Variants in EPHA6 observed in about 807,000 individuals in gnomAD.
EPHA6 encodes ephrin type-A receptor 6.
A neutral mutation model predicts 112.0 loss-of-function variants in EPHA6; 50 were observed. The observed-to-expected ratio is 0.45, with a 90% CI of 0.36 to 0.56. EPHA6 has a LOEUF of 0.56. EPHA6 is among the 20% of genes least tolerant of loss of function. EPHA6 has a pLI of 0.00. For missense variants in EPHA6, 1,280 were observed against 1,417.4 expected (o/e 0.90, Z 1.56); for synonymous variants, 529 against 490.7 (o/e 1.08, Z -1.03).
In EPHA6 at chr3:97,387,687, A is replaced by C. The variant is rs558022537; in HGVS notation, c.1607-17463A>C. On this transcript the variant is annotated intron_variant, in intron 5 of 17. Coordinates refer to ENST00000389672, the MANE Select transcript of EPHA6 (RefSeq NM_001080448.3). ...TCTGAGCCCTCTAAACTGTTCCAAC[A>C]CTTGCCAGTTGCCCAGATCCAAAGC... Among the ~76,000 whole-genome samples, 5 of 152,274 alleles carry C rather than the reference A, an allele frequency of 3.3e-5. No homozygotes were observed. The South Asian group carries it at 1.0e-3, about 32-fold the overall frequency.
intron 10 of EPHA6, among the ~76,000 whole-genome samples, chr3:97,491,999 T>C (rs999789674): frequency 2.0e-5 from 3 of 152,136 alleles, no homozygotes; most frequent in Non-Finnish European, 4.4e-5. Context: ...CAAAATTACA[T>C]TGCAAAGTGG....
intron 5 of EPHA6, among the ~76,000 whole-genome samples, chr3:97,277,272 G>A (rs1016039434): frequency 6.6e-6 from 1 of 152,048 alleles, no homozygotes; most frequent in Admixed American, 6.6e-5. Context: ...ATAAGATTTG[G>A]GTAGGTAAAG....
At chr3:97,547,374 A>G (rs529718819) in intron 11 of EPHA6, among the ~76,000 whole-genome samples, 1 of 152,274 alleles carries the variant, frequency 6.6e-6, no homozygotes, top group Admixed American at 6.5e-5. Flanking sequence ...TGGCTACCGA[A>G]CAGCAGATGT....
intron 3 of EPHA6, among the ~76,000 whole-genome samples, chr3:97,127,690 G>T (rs1437907895): frequency 1.5e-4 from 23 of 150,992 alleles, no homozygotes; most frequent in African/African-American, 2.4e-5. Context: ...ACTGCAGCCT[G>T]GGCGACAGAG....
intron 14 of EPHA6, among the ~76,000 whole-genome samples, chr3:97,715,810 G>A (rs2034191964): frequency 6.6e-6 from 1 of 152,130 alleles, no homozygotes; most frequent in Non-Finnish European, 1.5e-5. Flanking sequence ...CACTTTTTCA[G>A]CTACAACTAC....
intron 3 of EPHA6, among the ~76,000 whole-genome samples, chr3:97,079,456 AG>A (rs2108192231): frequency 6.6e-6 from 1 of 152,046 alleles, no homozygotes; most frequent in East Asian, 1.9e-4. Flanking sequence ...AGAGGGTGGA[AG>A]GTGGGAGGAG....
intron 6 of EPHA6, among the ~76,000 whole-genome samples, chr3:97,408,893 T>TAAGG (rs2087533517): frequency 6.6e-6 from 1 of 152,100 alleles, no homozygotes. Context: ...AAATTAGTCC[T>TAAGG]AATCAGAGTT....
At chr3:96,888,884 A>C (rs112646722) in intron 2 of EPHA6, among the ~76,000 whole-genome samples, 1 of 152,198 alleles carries the variant, frequency 6.6e-6, no homozygotes, top group South Asian at 2.1e-4. Context: ...TCAGGCTAAA[A>C]ATTTTTTGAA....
chr3:97,520,085 A>C (rs1191842054), intron 10 of EPHA6, among the ~76,000 whole-genome samples: 1 of 150,634 alleles, frequency 6.6e-6, no homozygotes. Flanking sequence ...CTCCTGCCTC[A>C]GCCTCCTGAG....
chr3:97,433,416 A>T (rs888005680), intron 6 of EPHA6, among the ~76,000 whole-genome samples: 5 of 152,158 alleles, frequency 3.3e-5, no homozygotes, highest in African/African-American at 7.2e-5. Context: ...ATTGCAAAAG[A>T]CTTCATTTAC....
At chr3:97,561,387 A>G (rs2093189420) in intron 11 of EPHA6, among the ~76,000 whole-genome samples, 1 of 152,066 alleles carries the variant, frequency 6.6e-6, no homozygotes. Context: ...CTCTACAATG[A>G]GAAGAAAGTG....
rs2035963374 is a variant in EPHA6 at position 97,754,064 on chromosome 3, A to G, written c.*5363A>G. On this transcript the variant is annotated 3_prime_UTR_variant, in exon 18 of 18. Transcript: ENST00000389672. ...TTAACAATGAGTTTGTATAAAATGT[A>G]TAAAAAATAACATTTATATCTTTTT... Among the ~76,000 whole-genome samples, 1 of 150,894 alleles carries G rather than the reference A, an allele frequency of 6.6e-6. No homozygotes were observed. Among genetic ancestry groups the G allele is most frequent in the South Asian group, 2.1e-4 (1 of 4,782 alleles).
intron 16 of EPHA6, among the ~76,000 whole-genome samples, chr3:97,737,530 G>A (rs888106489): frequency 6.6e-6 from 1 of 151,914 alleles, no homozygotes; most frequent in African/African-American, 2.4e-5. Flanking sequence ...GGAGGGAGGA[G>A]AAAAAGAATC....
At chr3:97,262,281 C>G (rs953605467) in intron 5 of EPHA6, among the ~76,000 whole-genome samples, 5 of 152,048 alleles carry the variant, frequency 3.3e-5, no homozygotes, top group Non-Finnish European at 7.4e-5. Flanking sequence ...TATTGAAACT[C>G]TAAATTACCC....
At chr3:97,291,167 A>G (rs148381642) in intron 5 of EPHA6, among the ~76,000 whole-genome samples, 33 of 152,022 alleles carry the variant, frequency 2.2e-4, no homozygotes, top group Non-Finnish European at 2.9e-4. Flanking sequence ...TTTAATTTCT[A>G]TATGTTCATA....
intron 3 of EPHA6, among the ~76,000 whole-genome samples, chr3:97,224,143 A>C (rs567297423): frequency 3.9e-5 from 6 of 152,266 alleles, no homozygotes; most frequent in African/African-American, 1.4e-4. Flanking sequence ...ATTAAAATAT[A>C]ATTTCACCTG....
At chr3:97,665,928 G>A (rs2030042328) in intron 14 of EPHA6, among the ~76,000 whole-genome samples, 1 of 152,056 alleles carries the variant, frequency 6.6e-6, no homozygotes, top group Non-Finnish European at 1.5e-5. Flanking sequence ...GTGAGAGTGT[G>A]TGCCTGTAAT....
At chr3:97,226,236 A>T (rs779834447) in intron 3 of EPHA6, 28 bp from the exon 4 acceptor site, 8 of 1,572,938 alleles carry the variant, frequency 5.1e-6, no homozygotes, top group Non-Finnish European at 6.0e-6. Flanking sequence ...AATAATAACT[A>T]AAAAAGTGTT....
At chr3:97,140,215 A>G (rs1259725284) in intron 3 of EPHA6, among the ~76,000 whole-genome samples, 2 of 152,136 alleles carry the variant, frequency 1.3e-5, no homozygotes, top group East Asian at 3.8e-4. Flanking sequence ...ATGTAAAGCA[A>G]CTAAACCTAT....
Sources: allele counts gnomAD v4.1 joint callset (sites outside exome capture counted in the v4.1 genomes callset), GRCh38; gene constraint gnomAD v4.1.1; transcripts MANE v1.5; gene names NCBI Gene and HGNC (gene_info 2026-07-23, HGNC 2026-07-21).